The following COL22A1 variants were observed in gnomAD, a reference collection of about 807,000 sequenced individuals.
COL22A1 encodes the protein collagen type XXII alpha 1 chain, also known as collagen alpha-1(XXII) chain.
In COL22A1, 221 loss-of-function variants were observed where a neutral mutation model predicts 248.9. The ratio of observed to expected loss-of-function variants is 0.89; its 90% confidence interval spans 0.80 to 0.99. COL22A1 has a LOEUF of 0.99. Ranked by LOEUF, COL22A1 falls within the 50% of genes least tolerant of loss-of-function variation. COL22A1 has a pLI of 0.00. For synonymous variants in COL22A1, 891 were observed against 793.4 expected (o/e 1.12, Z -2.07); for missense variants, 2,240 against 2,179.0 (o/e 1.03, Z -0.56).
intron 46 of COL22A1, among the ~76,000 whole-genome samples, 185 bp from the exon 47 acceptor site, chr8:138,646,867 GC>G (rs1310495309): frequency 6.6e-6 from 1 of 152,156 alleles, no homozygotes; most frequent in African/African-American, 2.4e-5. Flanking sequence ...ACTGAGTGTG[GC>G]TGTGCAACCA....
chr8:138,624,623 C>T (rs1820093858), intron 51 of COL22A1, among the ~76,000 whole-genome samples: 1 of 152,206 alleles, frequency 6.6e-6, no homozygotes, highest in Admixed American at 6.5e-5. Context: ...TTCTCCTTAG[C>T]TTTACCATTG....
chr8:138,603,320 G>A (rs928981504), intron 59 of COL22A1, among the ~76,000 whole-genome samples: 2 of 152,108 alleles, frequency 1.3e-5, no homozygotes, highest in South Asian at 2.1e-4. Context: ...AAGCTGCCTC[G>A]GTATTCCTGG....
chr8:138,660,853 T>G (rs62527894), intron 43 of COL22A1, among the ~76,000 whole-genome samples: 11 of 126,896 alleles, frequency 8.7e-5, no homozygotes, highest in African/African-American at 6.8e-5. Flanking sequence ...CACACACACA[T>G]ACACAGACAC....
chr8:138,791,047 T>C (rs1226960456), intron 12 of COL22A1, among the ~76,000 whole-genome samples: 4 of 152,248 alleles, frequency 2.6e-5, no homozygotes, highest in African/African-American at 7.2e-5. Flanking sequence ...ATCAATCCCA[T>C]GAATGTGTGG....
intron 62 of COL22A1, among the ~76,000 whole-genome samples, chr8:138,595,957 C>G (rs1372060883): frequency 2.6e-5 from 4 of 152,214 alleles, no homozygotes; most frequent in African/African-American, 4.8e-5. Context: ...TGATGAAGAA[C>G]ACAGAACCTT....
chr8:138,899,083 T>G (rs1215428720), intron 1 of COL22A1, among the ~76,000 whole-genome samples: 1 of 152,172 alleles, frequency 6.6e-6, no homozygotes, highest in East Asian at 1.9e-4. Flanking sequence ...CATATGTTAC[T>G]CCTTATTCTA....
intron 18 of COL22A1, among the ~76,000 whole-genome samples, chr8:138,758,506 T>C (rs968220975): frequency 6.6e-6 from 1 of 152,256 alleles, no homozygotes; most frequent in African/African-American, 2.4e-5. Flanking sequence ...AATCATCGAA[T>C]GGACAGGCAG....
At chr8:138,658,383 G>T (rs1465770751) in intron 44 of COL22A1, among the ~76,000 whole-genome samples, 1 of 152,126 alleles carries the variant, frequency 6.6e-6, no homozygotes, top group Non-Finnish European at 1.5e-5. Context: ...TATGATTTAT[G>T]GTGGGTGCCT....
chr8:138,673,302 C>G (rs1825207453), intron 41 of COL22A1, among the ~76,000 whole-genome samples: 1 of 151,990 alleles, frequency 6.6e-6, no homozygotes, highest in Non-Finnish European at 1.5e-5. Flanking sequence ...CTCCACCTCC[C>G]AGGTTCAAGC....
chr8:138,646,300 T>C (rs762042670), intron 47 of COL22A1, among the ~76,000 whole-genome samples: 1 of 152,182 alleles, frequency 6.6e-6, no homozygotes, highest in Non-Finnish European at 1.5e-5. Context: ...TCTGACACCA[T>C]TTGTATTTTT....
At chr8:138,845,385 G>A (rs1300671084) in intron 3 of COL22A1, among the ~76,000 whole-genome samples, 1 of 151,716 alleles carries the variant, frequency 6.6e-6, no homozygotes, top group African/African-American at 2.4e-5. Context: ...GGTGCACACT[G>A]GTAACCCCAG....
chr8:138,594,949 A>T (rs1817400816), intron 62 of COL22A1, among the ~76,000 whole-genome samples: 1 of 152,022 alleles, frequency 6.6e-6, no homozygotes, highest in South Asian at 2.1e-4. Context: ...TGATTAAAAA[A>T]CCCAGAGGTC....
At chr8:138,609,588 C>T (rs1274069828) in intron 56 of COL22A1, among the ~76,000 whole-genome samples, 1 of 152,172 alleles carries the variant, frequency 6.6e-6, no homozygotes, top group Non-Finnish European at 1.5e-5. Context: ...CGCTGCATAA[C>T]GCTTCTCCCT....
At chr8:138,696,874 T>A (rs1042919040) in intron 32 of COL22A1, among the ~76,000 whole-genome samples, 2 of 152,198 alleles carry the variant, frequency 1.3e-5, no homozygotes, top group African/African-American at 4.8e-5. Context: ...TTCTAGCATG[T>A]TTTCCTCCTA....
intron 1 of COL22A1, among the ~76,000 whole-genome samples, chr8:138,911,652 C>T (rs1320125360): frequency 6.6e-6 from 1 of 152,212 alleles, no homozygotes; most frequent in Non-Finnish European, 1.5e-5. Flanking sequence ...AACATGAAAT[C>T]TCCTGATCAT....
chr8:138,660,776 GCATGCACACA>G (rs1823755808), intron 43 of COL22A1, among the ~76,000 whole-genome samples: 2 of 134,546 alleles, frequency 1.5e-5, no homozygotes, highest in African/African-American at 5.8e-5. Flanking sequence ...GTGCATGCAC[GCATGCACACA>G]CACACACAGA....
intron 18 of COL22A1, 73 bp from the exon 19 acceptor site, chr8:138,755,902 C>T: frequency 1.5e-6 from 2 of 1,370,256 alleles, no homozygotes; most frequent in African/African-American, 1.4e-5. Context: ...CCCTCTGAGG[C>T]TTATTCTTGT....
At chr8:138,595,633 C>T (rs1448178994) in intron 62 of COL22A1, among the ~76,000 whole-genome samples, 1 of 152,098 alleles carries the variant, frequency 6.6e-6, no homozygotes, top group Non-Finnish European at 1.5e-5. Context: ...CATTTCCATA[C>T]AGGAAAAAGA....
rs1410765148 is a variant in COL22A1, at chr8:138,716,820, C to T, written c.2400+5G>A. The T allele has an allele frequency of 6.2e-7, 1 of 1,605,004 alleles. No homozygotes were observed. The highest frequency in any genetic ancestry group is 2.2e-5 in the East Asian group (1 of 44,820). On this transcript the variant is annotated splice_donor_5th_base_variant and intron_variant, in intron 28 of 64. Transcript: ENST00000303045. Reference sequence around the variant, plus strand: ...ATGAATGAATAAAAGCACAAACAAACAGACCTTCTCTCCAGGTCGGCCTGC... The same window carrying T: ...ATGAATGAATAAAAGCACAAACAAATAGACCTTCTCTCCAGGTCGGCCTGC...
Sources: gnomAD v4.1 joint callset for allele counts (sites outside exome capture counted in the v4.1 genomes callset) on GRCh38, gnomAD v4.1.1 for gene constraint, MANE v1.5 for transcripts, NCBI Gene and HGNC (gene_info 2026-07-23, HGNC 2026-07-21) for gene names.